Variants in LARP1B observed in about 807,000 individuals in gnomAD.
LARP1B encodes La ribonucleoprotein 1B.
Under a neutral mutation model 114.2 loss-of-function variants are expected in LARP1B, and 76 were observed. The ratio of observed to expected loss-of-function variants is 0.67; its 90% CI spans 0.55 to 0.81. The LOEUF (loss-of-function observed/expected upper bound fraction) is 0.81, where lower values mean the gene tolerates loss of function less well. Ranked by LOEUF, LARP1B falls within the 30% of genes least tolerant of loss-of-function variation. LARP1B has a pLI of 0.00. For missense variants in LARP1B, 1,014 were observed against 1,075.8 expected (o/e 0.94, Z 0.80); for synonymous variants, 345 against 348.0 (o/e 0.99, Z 0.10).
chr4:128,090,803 T>C (rs1290392565), intron 5 of LARP1B, among the ~76,000 whole-genome samples, 198 bp from the exon 6 acceptor site: 6 of 152,180 alleles, frequency 3.9e-5, no homozygotes, highest in Non-Finnish European at 8.8e-5. Context: ...GTCAGTACCT[T>C]TTAGGCTCTG....
rs767011355 is a variant in LARP1B at position 128,207,290 on chromosome 4, T to C, written c.2454T>C (p.Tyr818=). 3.3e-6 allele frequency: 5 copies of C among 1,522,232 alleles called. No individual in the cohort carries two copies. The South Asian group carries it at 6.6e-5, about 20-fold the overall frequency. 94.3% of individuals were successfully genotyped at this position (1,522,232 alleles called of 1,614,324 possible). The change falls in exon 19 of 20, where the codon TAT becomes TAC. Residue 818 remains tyrosine, a synonymous_variant. Transcript: ENST00000326639. ...QLYGLEKFWA[Y]LKYSQSKTQS... is the part of the protein sequence containing the mutation. ...ATGGACTAGAAAAGTTTTGGGCTTA[T>C]TTGAAATATTCTCAATCTAAGACAC...
At chr4:128,065,331 C>CCTTTCTTTTCTTTTCT (rs748006689) in intron 1 of LARP1B, among the ~76,000 whole-genome samples, 747 of 72,928 alleles carry the variant, frequency 0.01, 29 homozygotes, top group Middle Eastern at 0.024. Flanking sequence ...CTCTCTCTCT[C>CCTTTCTTTTCTTTTCT]TTTCCTTTCT....
chr4:128,155,367 C>T (rs1320588727), intron 11 of LARP1B: 1 of 572,260 alleles, frequency 1.7e-6, no homozygotes, highest in Non-Finnish European at 3.1e-6. Context: ...CCGTGGACCA[C>T]GCGGAGCCGC....
At chr4:128,096,125 C>G (rs935925608) in intron 7 of LARP1B, among the ~76,000 whole-genome samples, 1 of 151,912 alleles carries the variant, frequency 6.6e-6, no homozygotes, top group Admixed American at 6.6e-5. Flanking sequence ...TCCCACGTAG[C>G]TGGCACTACA....
intron 11 of LARP1B, among the ~76,000 whole-genome samples, chr4:128,153,709 G>A (rs1020778508): frequency 2.6e-5 from 4 of 152,092 alleles, no homozygotes; most frequent in Non-Finnish European, 5.9e-5. Context: ...TAAGTTTTGG[G>A]TTTTTATTTA....
chr4:128,176,699 A>G (rs969933824), intron 12 of LARP1B, among the ~76,000 whole-genome samples, 173 bp from the exon 13 acceptor site: 1 of 152,204 alleles, frequency 6.6e-6, no homozygotes, highest in South Asian at 2.1e-4. Flanking sequence ...TATGTATGGT[A>G]GGCACTAGTA....
At chr4:128,096,151 GC>G (rs1777909347) in intron 7 of LARP1B, among the ~76,000 whole-genome samples, 1 of 151,916 alleles carries the variant, frequency 6.6e-6, no homozygotes, top group South Asian at 2.1e-4. Flanking sequence ...CCGCCACCTT[GC>G]CCGGCTAATT....
intron 5 of LARP1B, 130 bp downstream of exon 5, chr4:128,082,435 C>A: frequency 1.4e-6 from 1 of 700,894 alleles, no homozygotes; most frequent in Non-Finnish European, 2.4e-6. Flanking sequence ...CCCCAAATAC[C>A]TTCAGGGTAT....
chr4:128,145,409 C>T (rs1729904196), intron 11 of LARP1B, among the ~76,000 whole-genome samples: 1 of 152,156 alleles, frequency 6.6e-6, no homozygotes, highest in Non-Finnish European at 1.5e-5. Context: ...TCACCATCCC[C>T]CAGCACTACT....
chr4:128,212,912 C>CTTTT (rs1174891101), downstream of LARP1B, among the ~76,000 whole-genome samples: 656 of 83,718 alleles, frequency 7.8e-3, 7 homozygotes, highest in Non-Finnish European at 0.01. Context: ...AAATCTCTCT[C>CTTTT]TTTTTTTTTT....
intron 7 of LARP1B, among the ~76,000 whole-genome samples, chr4:128,095,809 T>A (rs1443448160): frequency 1.3e-5 from 2 of 152,152 alleles, no homozygotes; most frequent in African/African-American, 4.8e-5. Context: ...TTCTCATAAC[T>A]TGTATTCCAT....
rs1333502908 is a variant in LARP1B, at chr4:128,180,041, T to C, written c.2003+529T>C. 3.3e-5 allele frequency among the ~76,000 whole-genome samples: 5 copies of C among 152,168 alleles called. No individual in the cohort carries two copies. The East Asian group carries it at 9.6e-4, about 29-fold the overall frequency. On this transcript the variant is annotated intron_variant, in intron 15 of 19. Transcript: ENST00000326639. The stretch of plus-strand genomic sequence containing the variant: ...AGCAAATCTCTTAGAGTGCCAGTGA[T>C]CTGCAAAGCACTATGGTATGTTTTG...
intron 8 of LARP1B, among the ~76,000 whole-genome samples, chr4:128,102,391 A>C (rs1398006469): frequency 6.6e-6 from 1 of 152,226 alleles, no homozygotes. Flanking sequence ...GTAAGCTCTA[A>C]ATAAGTAAGC....
intron 11 of LARP1B, among the ~76,000 whole-genome samples, chr4:128,146,353 G>A (rs1339428939): frequency 6.6e-6 from 1 of 152,144 alleles, no homozygotes; most frequent in Non-Finnish European, 1.5e-5. Context: ...TAAGAGAATG[G>A]TAAAATGGTG....
intron 8 of LARP1B, 52 bp from the exon 9 acceptor site, chr4:128,107,087 G>A (rs1033619290): frequency 6.8e-6 from 10 of 1,477,308 alleles, no homozygotes; most frequent in African/African-American, 2.8e-5. Context: ...TAGAAGTATA[G>A]CACAGACAGT....
At chr4:128,152,426 A>G (rs1162894176) in intron 11 of LARP1B, among the ~76,000 whole-genome samples, 1 of 150,990 alleles carries the variant, frequency 6.6e-6, no homozygotes, top group Admixed American at 6.6e-5. Context: ...ATGGTCTCGA[A>G]CTCCTGACCT....
chr4:128,084,437 G>A (rs1289868070), intron 5 of LARP1B, among the ~76,000 whole-genome samples: 2 of 152,262 alleles, frequency 1.3e-5, no homozygotes, highest in Non-Finnish European at 2.9e-5. Flanking sequence ...AGCCCGGCCA[G>A]CACAGCGAAA....
In LARP1B at chr4:128,108,227, A is replaced by C. The variant is rs904658282; in HGVS notation, c.988+914A>C. On this transcript the variant is annotated intron_variant, in intron 9 of 19. Coordinates refer to ENST00000326639, the MANE Select transcript of LARP1B (RefSeq NM_018078.4). ...ATTATTATTATTCTGGAAATACCGC[A>C]AGATTATGTTTTCTGTTTCCAGGGT... The C allele has an allele frequency of 2.6e-6, 3 of 1,155,612 alleles. No homozygotes were observed. In the African/African-American group the frequency reaches 4.8e-5, roughly 18 times the overall value. The allele number at this position is 1,155,612 out of a possible 1,614,324, so 71.6% of individuals were successfully genotyped here. A position where few individuals can be genotyped will look rare whatever the true frequency, so the allele number is the denominator to read the frequency against.
chr4:128,081,204 G>A (rs1261957192), intron 4 of LARP1B, among the ~76,000 whole-genome samples: 5 of 150,502 alleles, frequency 3.3e-5, no homozygotes, highest in Non-Finnish European at 7.4e-5. Flanking sequence ...TCAGCTTCCC[G>A]AGTAGCTGGG....
Sources: gnomAD v4.1 joint callset for allele counts (sites outside exome capture counted in the v4.1 genomes callset) on GRCh38, gnomAD v4.1.1 for gene constraint, MANE v1.5 for transcripts, NCBI Gene and HGNC (gene_info 2026-07-23, HGNC 2026-07-21) for gene names.